The following PRKN variants were observed in gnomAD, a reference collection of about 807,000 sequenced individuals.
PRKN encodes E3 ubiquitin-protein ligase parkin.
Under a neutral mutation model 59.5 loss-of-function variants are expected in PRKN, and 56 were observed. The observed-to-expected ratio is 0.94, with a 90% CI of 0.76 to 1.18. The LOEUF is 1.18. PRKN is among the 50% of genes most tolerant of loss of function. The pLI, the probability that PRKN is intolerant of heterozygous loss-of-function variation, is 0.00. For synonymous variants in PRKN, 250 were observed against 222.1 expected (o/e 1.13, Z -1.12); for missense variants, 657 against 596.4 (o/e 1.10, Z -1.06).
intron 2 of PRKN, among the ~76,000 whole-genome samples, chr6:162,396,598 C>A (rs1322541258): frequency 6.6e-6 from 1 of 152,162 alleles, no homozygotes; most frequent in Non-Finnish European, 1.5e-5. Flanking sequence ...ATCGAGCAGA[C>A]CCACTCTGGA....
chr6:161,819,319 T>C (rs1583204779), intron 6 of PRKN, among the ~76,000 whole-genome samples: 2 of 152,074 alleles, frequency 1.3e-5, no homozygotes, highest in South Asian at 4.2e-4. Flanking sequence ...GGTGAAACCC[T>C]ATCTCTACTA....
intron 9 of PRKN, among the ~76,000 whole-genome samples, chr6:161,505,118 C>A (rs373833478): frequency 1.3e-5 from 2 of 152,182 alleles, no homozygotes; most frequent in South Asian, 4.2e-4. Context: ...CCACAATGGT[C>A]GAACTAGTTT....
rs529668666 is a variant in PRKN at position 161,394,028 on chromosome 6, T to C, written c.1084-7151A>G. ...GCAGCAGAGATACGTAAGTCCAGCC[T>C]CTGTAAAGGGAATCTATCAAGAGAG... On this transcript the variant is annotated intron_variant, in intron 9 of 11. Transcript: ENST00000366898. Among the ~76,000 whole-genome samples, 27 of 152,244 alleles carry C rather than the reference T, an allele frequency of 1.8e-4. No individual in the cohort carries two copies. In the South Asian group the frequency reaches 1.9e-3, roughly 11 times the overall value.
At chr6:161,778,008 C>T (rs1009679531) in intron 7 of PRKN, among the ~76,000 whole-genome samples, 1 of 150,952 alleles carries the variant, frequency 6.6e-6, no homozygotes, top group African/African-American at 2.4e-5. Context: ...TACATGATTT[C>T]CTAGGCTAAG....
intron 3 of PRKN, among the ~76,000 whole-genome samples, chr6:162,256,344 AC>A (rs1779639193): frequency 6.6e-6 from 1 of 152,218 alleles, no homozygotes; most frequent in South Asian, 2.1e-4. Context: ...ACAAAATAAC[AC>A]CTTCTATAAA....
intron 3 of PRKN, 44 bp downstream of exon 3, chr6:162,262,481 C>T (rs775075559): frequency 6.2e-7 from 1 of 1,610,612 alleles, no homozygotes. Context: ...CTGCACTAAA[C>T]AAACAAACAA....
intron 4 of PRKN, among the ~76,000 whole-genome samples, chr6:162,085,062 CACAA>C (rs1231739925): frequency 5.7e-5 from 7 of 121,904 alleles, no homozygotes; most frequent in African/African-American, 2.5e-4. Context: ...CAAACACACA[CACAA>C]AGAGAGAGAC....
At chr6:161,633,101 A>G (rs1450440892) in intron 7 of PRKN, among the ~76,000 whole-genome samples, 1 of 152,240 alleles carries the variant, frequency 6.6e-6, no homozygotes, top group Non-Finnish European at 1.5e-5. Flanking sequence ...AAATTAAAAC[A>G]GAAATATTTG....
chr6:162,643,535 C>T (rs898068162), intron 1 of PRKN, among the ~76,000 whole-genome samples: 9 of 151,800 alleles, frequency 5.9e-5, no homozygotes, highest in African/African-American at 1.7e-4. Flanking sequence ...GGAGGCAGAA[C>T]GACAGAAAAT....
chr6:162,705,083 A>T (rs186706306), intron 1 of PRKN, among the ~76,000 whole-genome samples: 1 of 152,358 alleles, frequency 6.6e-6, no homozygotes, highest in East Asian at 1.9e-4. Flanking sequence ...ATGTTAAAAT[A>T]GTAAGAGACT....
At chr6:162,271,125 C>T (rs770511009) in intron 2 of PRKN, among the ~76,000 whole-genome samples, 1 of 151,642 alleles carries the variant, frequency 6.6e-6, no homozygotes, top group Non-Finnish European at 1.5e-5. Context: ...CTTGGACTCC[C>T]AAACACTGGG....
At chr6:161,607,489 T>C (rs1782324872) in intron 7 of PRKN, among the ~76,000 whole-genome samples, 1 of 151,948 alleles carries the variant, frequency 6.6e-6, no homozygotes. Flanking sequence ...GATAATGGTA[T>C]AAAGAAAAAA....
intron 1 of PRKN, among the ~76,000 whole-genome samples, chr6:162,499,267 C>T (rs941564258): frequency 7.2e-5 from 11 of 152,136 alleles, no homozygotes; most frequent in Non-Finnish European, 8.8e-5. Flanking sequence ...TCCTATATGA[C>T]CTTAAAGACT....
intron 2 of PRKN, among the ~76,000 whole-genome samples, chr6:162,389,186 G>A (rs754140531): frequency 9.2e-5 from 14 of 152,024 alleles, no homozygotes; most frequent in African/African-American, 3.4e-4. Context: ...AGTGAGGGTG[G>A]TGTGCGCAGG....
At position 161,843,280 on chromosome 6, in the gene PRKN, C is replaced by T. The variant is rs73785442; in HGVS notation, c.735-57372G>A. 0.012 allele frequency among the ~76,000 whole-genome samples: 1,892 copies of T among 152,306 alleles called. 55 individuals carry two copies. The East Asian group carries it at 0.12, about 10-fold the overall frequency. ...GTCTCCCAGATACCTGACCTCAAAA[C>T]CACAGAGCCACTGAAGCCACCTTCT... On this transcript the variant is annotated intron_variant, in intron 6 of 11. Transcript: ENST00000366898.
At chr6:162,093,770 G>A (rs1309148011) in intron 4 of PRKN, among the ~76,000 whole-genome samples, 5 of 152,064 alleles carry the variant, frequency 3.3e-5, no homozygotes, top group Admixed American at 2.0e-4. Context: ...AACTCATAAC[G>A]GCTTGACTGT....
At chr6:162,265,099 A>C (rs1780069279) in intron 2 of PRKN, 1 of 152,172 alleles carries the variant, frequency 6.6e-6, no homozygotes, top group Non-Finnish European at 1.5e-5. Context: ...TCTCAGTATT[A>C]CTTGTAAAAT....
Position 162,078,886 on chromosome 6 carries a change from A to AATT in PRKN, c.535-24713_535-24712insAAT, listed in dbSNP as rs1554268124. On this transcript the variant is annotated intron_variant, in intron 4 of 11. Coordinates refer to ENST00000366898, the MANE Select transcript of PRKN (RefSeq NM_004562.3). ...TAATAATTAATACTTAATAATTAAT[A>AATT]AATACTTTAAAAAAGATTAGGTAAG... Among the ~76,000 whole-genome samples the AATT allele has an allele frequency of 3.2e-3, 480 of 151,552 alleles. 2 individuals are homozygous for AATT. Among genetic ancestry groups the AATT allele is most frequent in the Non-Finnish European group, 4.9e-3 (334 of 67,930 alleles).
chr6:161,908,296 T>C (rs999666257), intron 6 of PRKN, among the ~76,000 whole-genome samples: 5 of 152,160 alleles, frequency 3.3e-5, no homozygotes, highest in African/African-American at 1.2e-4. Flanking sequence ...TCTGAAAGAA[T>C]CTTCCGGATG....
Sources: gnomAD v4.1 joint callset for allele counts (sites outside exome capture counted in the v4.1 genomes callset) on GRCh38, gnomAD v4.1.1 for gene constraint, MANE v1.5 for transcripts, NCBI Gene and HGNC (gene_info 2026-07-23, HGNC 2026-07-21) for gene names.